Variants in AGMO observed in about 807,000 individuals in gnomAD.
The protein encoded by AGMO is glyceryl-ether monooxygenase.
Under a neutral mutation model 60.2 loss-of-function variants are expected in AGMO, and 75 were observed. That is an observed-to-expected ratio of 1.25 (90% CI 1.03 to 1.51). The LOEUF (loss-of-function observed/expected upper bound fraction) is 1.51, where lower values mean the gene tolerates loss of function less well. Ranked by LOEUF, AGMO falls within the 40% of genes most tolerant of loss-of-function variation. AGMO has a pLI of 0.00. For synonymous variants in AGMO, 261 were observed against 177.1 expected, an observed-to-expected ratio of 1.47 and a Z score of -3.76; for missense variants, 763 against 525.5, an observed-to-expected ratio of 1.45 and a Z score of -4.42.
At chr7:15,553,973 T>C (rs1019300880) in intron 2 of AGMO, among the ~76,000 whole-genome samples, 1 of 152,134 alleles carries the variant, frequency 6.6e-6, no homozygotes, top group Non-Finnish European at 1.5e-5. Context: ...GTGGGAGTTA[T>C]ATTCCCTGCT....
chr7:15,342,347 T>C (rs371150667), intron 12 of AGMO, among the ~76,000 whole-genome samples: 40 of 151,982 alleles, frequency 2.6e-4, no homozygotes, highest in African/African-American at 9.7e-4. Context: ...AAGGTCAAAA[T>C]TGCTGCTCCA....
chr7:15,351,035 G>A (rs1782225885), intron 12 of AGMO, among the ~76,000 whole-genome samples: 1 of 152,072 alleles, frequency 6.6e-6, no homozygotes, highest in African/African-American at 2.4e-5. Flanking sequence ...GAGATAGTAG[G>A]CATTCTAAGC....
intron 6 of AGMO, among the ~76,000 whole-genome samples, chr7:15,392,319 G>C (rs55836718): frequency 6.6e-6 from 1 of 150,612 alleles, no homozygotes; most frequent in African/African-American, 2.5e-5. Flanking sequence ...CGTGATCCGC[G>C]ATCCGCCTCC....
intron 12 of AGMO, among the ~76,000 whole-genome samples, chr7:15,230,070 C>T (rs1166015814): frequency 6.6e-6 from 1 of 151,822 alleles, no homozygotes; most frequent in Non-Finnish European, 1.5e-5. Flanking sequence ...CACATAGGCA[C>T]ATACAAAATT....
chr7:15,556,697 C>T (rs1785151490), intron 2 of AGMO, among the ~76,000 whole-genome samples: 1 of 152,042 alleles, frequency 6.6e-6, no homozygotes, highest in Non-Finnish European at 1.5e-5. Flanking sequence ...GGATATTTCA[C>T]AAGTTTTAGA....
chr7:15,385,534 G>T lies in AGMO; in HGVS notation c.986C>A (p.Ser329Ter). ...TATCTTTAATAGCTGAGATGAAGAT[G>T]ATGAGAAGGGAACTTCTTTGCCGGT... ...EVTGKEVPFS[S>*]SSSQLLKIYT... Residue 329 changes from serine to a stop codon, truncating the protein, a stop_gained, in exon 10 of 13, where the codon TCA becomes TAA. Coordinates refer to ENST00000342526, the MANE Select transcript of AGMO (RefSeq NM_001004320.2). LOFTEE classifies it high-confidence loss of function. The T allele has an allele frequency of 2.5e-6, 4 of 1,612,378 alleles. No individual in the cohort carries two copies. The highest frequency in any genetic ancestry group is 2.2e-5 in the East Asian group (1 of 44,794).
the AGMO span, among the ~76,000 whole-genome samples, chr7:15,140,397 C>A: frequency 6.6e-6 from 1 of 152,090 alleles, no homozygotes; most frequent in East Asian, 1.9e-4. Flanking sequence ...CACTACAATG[C>A]TATTAGCATA....
chr7:15,501,160 G>A (rs1470778234), intron 3 of AGMO, among the ~76,000 whole-genome samples: 1 of 151,860 alleles, frequency 6.6e-6, no homozygotes, highest in Non-Finnish European at 1.5e-5. Context: ...TCTATCCTGT[G>A]GTGTTTGGCT....
chr7:15,323,232 A>C (rs1465426938), intron 12 of AGMO, among the ~76,000 whole-genome samples: 3 of 152,120 alleles, frequency 2.0e-5, no homozygotes, highest in African/African-American at 7.2e-5. Context: ...TTATTGAATA[A>C]TCACCATGAG....
intron 3 of AGMO, among the ~76,000 whole-genome samples, chr7:15,460,754 A>T (rs2128508576): frequency 6.6e-6 from 1 of 152,302 alleles, no homozygotes; most frequent in South Asian, 2.1e-4. Context: ...TAGCAAACTG[A>T]TCAGAGAAGG....
chr7:15,229,463 T>C (rs1782186469), intron 12 of AGMO, among the ~76,000 whole-genome samples: 1 of 149,320 alleles, frequency 6.7e-6, no homozygotes, highest in Non-Finnish European at 1.5e-5. Flanking sequence ...TTCTTACTAC[T>C]TCAACTAGAA....
At chr7:15,470,354 A>G (rs747306454) in intron 3 of AGMO, among the ~76,000 whole-genome samples, 3 of 152,070 alleles carry the variant, frequency 2.0e-5, no homozygotes, top group African/African-American at 7.2e-5. Context: ...TACAACATTA[A>G]TGGTCTAAAT....
intron 5 of AGMO, among the ~76,000 whole-genome samples, chr7:15,408,744 G>C (rs990555064): frequency 4.0e-5 from 6 of 151,846 alleles, no homozygotes; most frequent in African/African-American, 1.4e-4. Flanking sequence ...ACAACAGTAG[G>C]CAATTACATA....
intron 3 of AGMO, among the ~76,000 whole-genome samples, chr7:15,528,973 T>G (rs936707806): frequency 3.3e-5 from 5 of 152,064 alleles, no homozygotes; most frequent in African/African-American, 1.2e-4. Flanking sequence ...ACAACTCTCC[T>G]GGACTCAGAT....
chr7:15,488,605 G>T (rs1025910672), intron 3 of AGMO, among the ~76,000 whole-genome samples: 1 of 152,036 alleles, frequency 6.6e-6, no homozygotes, highest in Non-Finnish European at 1.5e-5. Flanking sequence ...TTAGAAAATC[G>T]TTGAGAATCA....
At chr7:15,472,801 T>C (rs555799859) in intron 3 of AGMO, among the ~76,000 whole-genome samples, 5 of 151,906 alleles carry the variant, frequency 3.3e-5, no homozygotes, top group Non-Finnish European at 7.4e-5. Flanking sequence ...TAGTCTATCG[T>C]TTTATGTGAA....
intron 8 of AGMO, among the ~76,000 whole-genome samples, chr7:15,388,657 T>C (rs1562479684): frequency 6.6e-6 from 1 of 152,028 alleles, no homozygotes; most frequent in Non-Finnish European, 1.5e-5. Flanking sequence ...GATTTACGCC[T>C]AATAATAAGG....
chr7:15,367,091 T>C (rs1180662018), intron 10 of AGMO, among the ~76,000 whole-genome samples: 1 of 152,006 alleles, frequency 6.6e-6, no homozygotes, highest in Non-Finnish European at 1.5e-5. Context: ...AAATGAACCA[T>C]TTACAGTTTG....
intron 12 of AGMO, among the ~76,000 whole-genome samples, chr7:15,309,780 C>T (rs1277132280): frequency 6.6e-6 from 1 of 152,054 alleles, no homozygotes; most frequent in East Asian, 1.9e-4. Flanking sequence ...GAGAAGTTAA[C>T]TGGCTTGCCT....
Sources: allele counts gnomAD v4.1 joint callset (sites outside exome capture counted in the v4.1 genomes callset), GRCh38; gene constraint gnomAD v4.1.1; transcripts MANE v1.5; gene names NCBI Gene and HGNC (gene_info 2026-07-23, HGNC 2026-07-21).